The following APH1B variants were observed in gnomAD, a reference collection of about 807,000 sequenced individuals.
The protein encoded by APH1B is gamma-secretase subunit APH-1B.
APH1B carries 27 observed loss-of-function variants against 28.2 expected under a neutral mutation model. That is an observed-to-expected ratio of 0.96 (90% CI 0.70 to 1.32). The LOEUF (loss-of-function observed/expected upper bound fraction) is 1.32. Among genes scored for constraint, APH1B ranks in the 40% most tolerant of loss-of-function variants. The pLI, the probability that APH1B is intolerant of heterozygous loss-of-function variation, is 0.00. For missense variants in APH1B, 305 were observed against 313.6 expected (o/e 0.97, Z 0.21); for synonymous variants, 141 against 124.6 (o/e 1.13, Z -0.88).
chr15:63,278,590 C>T (rs1442262843), intron 1 of APH1B, among the ~76,000 whole-genome samples: 1 of 152,184 alleles, frequency 6.6e-6, no homozygotes. Flanking sequence ...TTAGAATCCC[C>T]AGGGGTGCTG....
intron 5 of APH1B, 138 bp from the exon 6 acceptor site, chr15:63,305,476 C>T (rs547059142): frequency 9.4e-6 from 9 of 957,122 alleles, no homozygotes; most frequent in African/African-American, 1.6e-5. Context: ...AGGGCCTTAA[C>T]GCATGACACA....
rs372131973 is a variant in APH1B at position 63,277,607 on chromosome 15, C to A, written c.-17C>A. ...TCGCGTCCCCAACGGGCCCCCGGGTCGGTTTCCGCGGTGGCCATGACTGCG... is the reference window on the plus strand; with the variant it reads ...TCGCGTCCCCAACGGGCCCCCGGGTAGGTTTCCGCGGTGGCCATGACTGCG... On this transcript the variant is annotated 5_prime_UTR_variant, in exon 1 of 6. Coordinates refer to ENST00000261879, the MANE Select transcript of APH1B (RefSeq NM_031301.4). 10 of 1,385,558 alleles carry A rather than the reference C, an allele frequency of 7.2e-6. No homozygotes were observed. Among genetic ancestry groups the A allele is most frequent in the Non-Finnish European group, 3.8e-6 (4 of 1,045,454 alleles). 85.8% of individuals were successfully genotyped at this position (1,385,558 alleles called of 1,614,324 possible). A position where few individuals can be genotyped will look rare whatever the true frequency, so the allele number is the denominator to read the frequency against.
At chr15:63,289,175 A>C (rs1466944982) in intron 4 of APH1B, among the ~76,000 whole-genome samples, 1 of 152,194 alleles carries the variant, frequency 6.6e-6, no homozygotes, top group Non-Finnish European at 1.5e-5. Flanking sequence ...TATGTTATAA[A>C]TTTGTATCTA....
intron 2 of APH1B, among the ~76,000 whole-genome samples, chr15:63,285,262 A>C (rs993348932): frequency 6.6e-6 from 1 of 152,224 alleles, no homozygotes; most frequent in Non-Finnish European, 1.5e-5. Flanking sequence ...AGCTGACTAT[A>C]ATGAATACCC....
chr15:63,282,715 C>T (rs1160534465), intron 2 of APH1B, among the ~76,000 whole-genome samples: 1 of 152,040 alleles, frequency 6.6e-6, no homozygotes, highest in East Asian at 1.9e-4. Context: ...TCAATTTTGT[C>T]TTAAAAGGTT....
intron 1 of APH1B, 40 bp downstream of exon 1, chr15:63,277,776 C>A: frequency 1.3e-6 from 2 of 1,583,632 alleles, no homozygotes; most frequent in Non-Finnish European, 1.7e-6. Flanking sequence ...GCCGGGGCTC[C>A]CCTCCCCCGC....
At chr15:63,293,624 A>G (rs1329646641) in intron 4 of APH1B, among the ~76,000 whole-genome samples, 1 of 151,460 alleles carries the variant, frequency 6.6e-6, no homozygotes, top group African/African-American at 2.4e-5. Context: ...CAGCCTTCTG[A>G]GTAGCTGGGA....
intron 2 of APH1B, among the ~76,000 whole-genome samples, chr15:63,283,997 T>C (rs1428860877): frequency 6.6e-6 from 1 of 152,222 alleles, no homozygotes. Flanking sequence ...CGGTTGACTG[T>C]ATTTACAGTT....
At chr15:63,278,013 G>T in intron 1 of APH1B, 1 of 499,258 alleles carries the variant, frequency 2.0e-6, no homozygotes, top group East Asian at 3.7e-5. Flanking sequence ...TTATGGATAA[G>T]TTCATATATG....
chr15:63,298,537 G>A lies in APH1B; in HGVS notation c.479-3808G>A, dbSNP rs1567031725. Among the ~76,000 whole-genome samples, 3 of 152,152 alleles carry A rather than the reference G, an allele frequency of 2.0e-5. No individual in the cohort carries two copies. In the South Asian group the frequency reaches 6.2e-4, roughly 32 times the overall value. On this transcript the variant is annotated intron_variant, in intron 4 of 5. Coordinates refer to ENST00000261879, the MANE Select transcript of APH1B (RefSeq NM_031301.4). ...GAATGCATTTTTAAGACATAGTCAA[G>A]TACCCAGGAGACTTGGATATAAATG... is the stretch of plus-strand genomic sequence containing the variant.
Position 63,305,594 on chromosome 15 carries a change from G to A in APH1B, c.607-20G>A. On this transcript the variant is annotated intron_variant, in intron 5 of 5. Coordinates refer to ENST00000261879, the MANE Select transcript of APH1B (RefSeq NM_031301.4). Reference sequence around the variant, plus strand: ...TAAGCTTGCTGTTATTACCCAAGCTGATTTATTTTTCTTTTGCAGACCTTC... The same window carrying A: ...TAAGCTTGCTGTTATTACCCAAGCTAATTTATTTTTCTTTTGCAGACCTTC... 3.1e-6 allele frequency: 5 copies of A among 1,612,684 alleles called. No individual in the cohort carries two copies. The highest frequency in any genetic ancestry group is 1.7e-4 in the Middle Eastern group (1 of 5,852).
intron 2 of APH1B, among the ~76,000 whole-genome samples, chr15:63,283,141 G>T (rs1388447771): frequency 1.3e-5 from 2 of 152,172 alleles, no homozygotes; most frequent in Non-Finnish European, 2.9e-5. Flanking sequence ...CTTCCATAAC[G>T]TAGAATTAGG....
At chr15:63,301,517 G>A (rs2038626905) in intron 4 of APH1B, among the ~76,000 whole-genome samples, 1 of 152,104 alleles carries the variant, frequency 6.6e-6, no homozygotes, top group Admixed American at 6.5e-5. Context: ...TGGTGGTGCT[G>A]ATCAAATTCA....
intron 3 of APH1B, 80 bp from the exon 4 acceptor site, chr15:63,287,344 C>G: frequency 2.6e-6 from 4 of 1,563,536 alleles, no homozygotes; most frequent in Middle Eastern, 1.7e-4. Context: ...CTCCAACACA[C>G]TTTGTATTAA....
At chr15:63,279,408 A>G in intron 2 of APH1B, 77 bp downstream of exon 2, 1 of 1,380,908 alleles carries the variant, frequency 7.2e-7, no homozygotes. Context: ...AAACGTGAAT[A>G]TAGTATTGTA....
chr15:63,280,517 T>C (rs1031601560), intron 2 of APH1B, among the ~76,000 whole-genome samples: 3 of 152,248 alleles, frequency 2.0e-5, no homozygotes, highest in African/African-American at 4.8e-5. Flanking sequence ...TTCTTGCCAA[T>C]ATGCTAGGTT....
chr15:63,284,955 T>C (rs2038430353), intron 2 of APH1B, among the ~76,000 whole-genome samples: 1 of 152,250 alleles, frequency 6.6e-6, no homozygotes, highest in Non-Finnish European at 1.5e-5. Flanking sequence ...TTTTACTATA[T>C]ATGTGTCCCA....
chr15:63,278,455 T>G, intron 1 of APH1B: 1 of 410,054 alleles, frequency 2.4e-6, no homozygotes, highest in Non-Finnish European at 4.9e-6. Flanking sequence ...GGCACCAGAC[T>G]AGGCCAATGA....
intron 3 of APH1B, among the ~76,000 whole-genome samples, chr15:63,286,930 C>G (rs1267711116): frequency 1.3e-4 from 20 of 152,132 alleles, no homozygotes; most frequent in Non-Finnish European, 1.5e-5. Flanking sequence ...TTCTCTGAAT[C>G]TTACTTTGGC....
Sources: gnomAD v4.1 joint callset for allele counts (sites outside exome capture counted in the v4.1 genomes callset) on GRCh38, gnomAD v4.1.1 for gene constraint, MANE v1.5 for transcripts, NCBI Gene and HGNC (gene_info 2026-07-23, HGNC 2026-07-21) for gene names.